The following CCR3 variants were observed in gnomAD, a reference collection of about 807,000 sequenced individuals.
CCR3 encodes C-C chemokine receptor type 3.
For synonymous variants in CCR3, 203 were observed against 179.2 expected (o/e 1.13, Z -1.06); for missense variants, 419 against 437.5 (o/e 0.96, Z 0.38).
upstream of CCR3, among the ~76,000 whole-genome samples, chr3:46,237,515 TTAA>T (rs1158941118): frequency 2.0e-5 from 3 of 152,258 alleles, no homozygotes; most frequent in Non-Finnish European, 4.4e-5. Flanking sequence ...TTTGCCTAGA[TTAA>T]TGTCTTGAAG....
At position 46,266,263 on chromosome 3, in the gene CCR3, A is replaced by G. The variant is rs1700633264; in HGVS notation, c.*37A>G. 7.3e-7 allele frequency: 1 copy of G among 1,369,926 alleles called. No individual in the cohort carries two copies. Among genetic ancestry groups the G allele is most frequent in the Non-Finnish European group, 1.0e-6 (1 of 975,986 alleles). The allele number at this position is 1,369,926 out of a possible 1,614,324, so 84.9% of individuals were successfully genotyped here. A position where few individuals can be genotyped will look rare whatever the true frequency, so the allele number is the denominator to read the frequency against. ...AAAATTGCCTAAAGAGGAAGGACCAAGGAGATGAAGCAAACACATTAAGCC... is the reference window on the plus strand; with the variant it reads ...AAAATTGCCTAAAGAGGAAGGACCAGGGAGATGAAGCAAACACATTAAGCC... On this transcript the variant is annotated 3_prime_UTR_variant, in exon 2 of 2. Coordinates refer to ENST00000395940, the MANE Select transcript of CCR3 (RefSeq NM_178329.3).
At chr3:46,255,780 T>G (rs12715417) in intron 1 of CCR3, among the ~76,000 whole-genome samples, 65,070 of 151,664 alleles carry the variant, frequency 0.43, 14,941 homozygotes, top group East Asian at 0.64. Context: ...CCAGTACCAT[T>G]CTGTTTGGGT....
chr3:46,261,770 G>T (rs954738782), intron 1 of CCR3, among the ~76,000 whole-genome samples: 2 of 152,222 alleles, frequency 1.3e-5, no homozygotes, highest in Non-Finnish European at 2.9e-5. Flanking sequence ...CATGGCATGG[G>T]CAGGGAGTCA....
At chr3:46,249,369 AG>A (rs753405193) in intron 1 of CCR3, among the ~76,000 whole-genome samples, 1 of 152,174 alleles carries the variant, frequency 6.6e-6, no homozygotes, top group Non-Finnish European at 1.5e-5. Context: ...GGGAGTTTTA[AG>A]AGGTTTAGAA....
intron 2 of CCR3, among the ~76,000 whole-genome samples, chr3:46,220,924 G>A (rs377569683): frequency 2.2e-4 from 33 of 152,106 alleles, no homozygotes; most frequent in African/African-American, 7.2e-4. Flanking sequence ...GGTGATGGGG[G>A]TACCAAAATC....
At chr3:46,221,964 G>C (rs1699842220) in intron 2 of CCR3, among the ~76,000 whole-genome samples, 1 of 151,924 alleles carries the variant, frequency 6.6e-6, no homozygotes, top group Non-Finnish European at 1.5e-5. Flanking sequence ...CCCCTCTCTT[G>C]CCACTGCTGT....
chr3:46,220,947 C>T (rs1295873002), intron 2 of CCR3, among the ~76,000 whole-genome samples: 1 of 152,142 alleles, frequency 6.6e-6, no homozygotes, highest in Non-Finnish European at 1.5e-5. Flanking sequence ...AGAAATCACA[C>T]CTAAGGAACT....
At position 46,265,454 on chromosome 3, in the gene CCR3, G is replaced by A; in HGVS notation, c.296G>A (p.Trp99Ter). The change falls in exon 2 of 2, where the codon TGG (tryptophan) becomes TAG (stop). Residue 99 changes from tryptophan to a stop codon, truncating the protein, a stop_gained. Coordinates refer to ENST00000395940, the MANE Select transcript of CCR3 (RefSeq NM_178329.3). LOFTEE classifies it low-confidence loss of function (END_TRUNC). ...ATCCACTATGTCAGGGGGCATAACT[G>A]GGTTTTTGGCCATGGCATGTGTAAG... ...FWIHYVRGHN[W>*]VFGHGMCKLL... 1 of 1,614,166 alleles carries A rather than the reference G, an allele frequency of 6.2e-7. No individual in the cohort carries two copies. Among genetic ancestry groups the A allele is most frequent in the South Asian group, 1.1e-5 (1 of 91,082 alleles).
At chr3:46,220,287 A>G (rs1699821436) in intron 2 of CCR3, among the ~76,000 whole-genome samples, 1 of 152,146 alleles carries the variant, frequency 6.6e-6, no homozygotes, top group Admixed American at 6.5e-5. Context: ...ACCACAATGC[A>G]ATATCATCTT....
At chr3:46,212,109 G>A (rs1052980142) in intron 2 of CCR3, among the ~76,000 whole-genome samples, 7 of 152,136 alleles carry the variant, frequency 4.6e-5, no homozygotes, top group East Asian at 1.9e-4. Flanking sequence ...TTCTCCTTTC[G>A]TGATACAACC....
intron 1 of CCR3, among the ~76,000 whole-genome samples, chr3:46,244,378 G>A (rs1381317666): frequency 2.0e-5 from 3 of 152,150 alleles, no homozygotes; most frequent in Admixed American, 6.5e-5. Flanking sequence ...TCTTTCATGC[G>A]CGTCCGTGTG....
At chr3:46,253,541 C>T (rs555237970) in intron 1 of CCR3, among the ~76,000 whole-genome samples, 1 of 152,224 alleles carries the variant, frequency 6.6e-6, no homozygotes, top group South Asian at 2.1e-4. Context: ...ATATTTGGAC[C>T]ACTTTCGGAT....
intron 1 of CCR3, among the ~76,000 whole-genome samples, chr3:46,247,151 G>A (rs529029422): frequency 9.9e-5 from 15 of 152,208 alleles, no homozygotes; most frequent in South Asian, 6.2e-4. Flanking sequence ...TAAGAGCGGC[G>A]GTTTGGGGAT....
At chr3:46,242,284 A>G (rs1700097225), upstream of CCR3, 1 of 152,180 alleles carries the variant, frequency 6.6e-6, no homozygotes, top group Non-Finnish European at 1.5e-5. Context: ...ACTGCACGAA[A>G]GTATCTTTCT....
At chr3:46,236,945 A>C (rs1463356449) in intron 2 of CCR3, among the ~76,000 whole-genome samples, 1 of 152,220 alleles carries the variant, frequency 6.6e-6, no homozygotes, top group Non-Finnish European at 1.5e-5. Flanking sequence ...GCTGCCTCTC[A>C]GTCAATTCAA....
intron 2 of CCR3, among the ~76,000 whole-genome samples, chr3:46,231,903 T>C (rs961380993): frequency 1.3e-5 from 2 of 152,210 alleles, no homozygotes; most frequent in Admixed American, 6.5e-5. Flanking sequence ...CTCTCTTGCA[T>C]TTCCAGGGGC....
rs1314689032 is a variant in CCR3, at chr3:46,265,006, C to T, written c.-11-142C>T. 11 of 631,384 alleles carry T rather than the reference C, an allele frequency of 1.7e-5. No individual in the cohort carries two copies. The East Asian group carries it at 3.1e-4, about 18-fold the overall frequency. 39.1% of individuals were successfully genotyped at this position (631,384 alleles called of 1,614,324 possible). On this transcript the variant is annotated intron_variant, in intron 1 of 1. Coordinates refer to ENST00000395940, the MANE Select transcript of CCR3 (RefSeq NM_178329.3). ...CCTTTTCCTGGCACCTCTGATATGC[C>T]TTTTGAAATTCATGTTAAAGAATCC...
intron 1 of CCR3, among the ~76,000 whole-genome samples, chr3:46,251,408 G>A (rs1286452348): frequency 6.6e-6 from 1 of 152,090 alleles, no homozygotes; most frequent in Admixed American, 6.5e-5. Context: ...GGAGAAAGAG[G>A]TTGAGGGATA....
At chr3:46,255,527 G>C (rs1376468928) in intron 1 of CCR3, among the ~76,000 whole-genome samples, 1 of 151,934 alleles carries the variant, frequency 6.6e-6, no homozygotes, top group African/African-American at 2.4e-5. Flanking sequence ...TTATGGTTTT[G>C]GGTCTTAGAT....
Sources: gnomAD v4.1 joint callset for allele counts (sites outside exome capture counted in the v4.1 genomes callset) on GRCh38, gnomAD v4.1.1 for gene constraint, MANE v1.5 for transcripts, NCBI Gene and HGNC (gene_info 2026-07-23, HGNC 2026-07-21) for gene names.